PCM1: variants seen among roughly 807,000 people sequenced by gnomAD.
PCM1 encodes the protein pericentriolar material 1.
PCM1 carries 157 observed loss-of-function variants against 241.9 expected under a neutral mutation model. The observed-to-expected ratio is 0.65, with a 90% CI of 0.57 to 0.74. The LOEUF (loss-of-function observed/expected upper bound fraction) is 0.74. PCM1 is among the 30% of genes least tolerant of loss of function. PCM1 has a pLI of 0.00. For synonymous variants in PCM1, 1,085 were observed against 784.9 expected (o/e 1.38, Z -6.39); for missense variants, 3,478 against 2,360.1 (o/e 1.47, Z -9.81).
chr8:17,932,268 A>T (rs1225649244), intron 2 of PCM1, among the ~76,000 whole-genome samples: 4 of 152,050 alleles, frequency 2.6e-5, no homozygotes, highest in African/African-American at 4.8e-5. Context: ...TTTCCACCAT[A>T]TTTAAGGTTG....
At position 18,027,833 on chromosome 8, in the gene PCM1, C is replaced by T; in HGVS notation, c.*171C>T. 2.3e-6 allele frequency: 1 copy of T among 427,926 alleles called. No individual in the cohort carries two copies. 26.5% of individuals were successfully genotyped at this position (427,926 alleles called of 1,614,324 possible). ...AGTTTAAAACATCAGAAACTGAATT[C>T]TGGACAGATTTAAGCCTTGACACAC... On this transcript the variant is annotated 3_prime_UTR_variant, in exon 39 of 39. Transcript: ENST00000325083.
rs1392716529 is a variant in PCM1 at position 18,014,530 on chromosome 8, A to T, written c.5585-54A>T. The T allele has an allele frequency of 6.9e-6, 10 of 1,444,610 alleles. No homozygotes were observed. In the East Asian group the frequency reaches 1.6e-4, roughly 23 times the overall value. The allele number at this position is 1,444,610 out of a possible 1,614,324, so 89.5% of individuals were successfully genotyped here. A position where few individuals can be genotyped will look rare whatever the true frequency, so the allele number is the denominator to read the frequency against. On this transcript the variant is annotated intron_variant, in intron 35 of 38. Coordinates refer to ENST00000325083, the MANE Select transcript of PCM1 (RefSeq NM_006197.4). Reference sequence around the variant, plus strand: ...GTATTGTCTTTATTAGTATAATAGTAAAATTTAACATTTTTTGCATTACAC... The same window carrying T: ...GTATTGTCTTTATTAGTATAATAGTTAAATTTAACATTTTTTGCATTACAC...
intron 6 of PCM1, among the ~76,000 whole-genome samples, chr8:17,941,421 G>T (rs1051736181): frequency 6.6e-6 from 1 of 152,014 alleles, no homozygotes; most frequent in African/African-American, 2.4e-5. Flanking sequence ...TGGTAATTCC[G>T]CAGGATGTGG....
chr8:17,950,855 TC>T (rs898300460), intron 8 of PCM1, 131 bp downstream of exon 8: 33 of 636,338 alleles, frequency 5.2e-5, no homozygotes, highest in Non-Finnish European at 5.5e-5. Context: ...ATTGGTGGGG[TC>T]CCCCCCACCT....
At chr8:17,978,360 C>T (rs1018228106) in intron 23 of PCM1, among the ~76,000 whole-genome samples, 6 of 152,046 alleles carry the variant, frequency 3.9e-5, no homozygotes, top group Non-Finnish European at 7.4e-5. Flanking sequence ...CAGATCAGAA[C>T]AGCTGGCTGT....
At chr8:17,965,694 T>G (rs990117007) in intron 18 of PCM1, among the ~76,000 whole-genome samples, 1 of 152,244 alleles carries the variant, frequency 6.6e-6, no homozygotes, top group African/African-American at 2.4e-5. Context: ...GTGGTTGAAC[T>G]TAAAGCGTGA....
At chr8:17,963,992 G>A (rs780342878) in intron 17 of PCM1, among the ~76,000 whole-genome samples, 2 of 151,980 alleles carry the variant, frequency 1.3e-5, no homozygotes, top group African/African-American at 2.4e-5. Context: ...TCTGTTCTGG[G>A]TACTACACGT....
At chr8:17,938,676 G>T in intron 4 of PCM1, 64 bp from the exon 5 acceptor site, 1 of 1,244,896 alleles carries the variant, frequency 8.0e-7, no homozygotes, top group Non-Finnish European at 1.2e-6. Flanking sequence ...AGAACATTGG[G>T]GTTAAAACAA....
intron 34 of PCM1, among the ~76,000 whole-genome samples, chr8:18,013,577 C>A (rs745460601): frequency 6.6e-6 from 1 of 152,190 alleles, no homozygotes; most frequent in Non-Finnish European, 1.5e-5. Context: ...CTGTTACTTA[C>A]AGTTATGAGG....
chr8:17,976,047 G>A (rs1333242133), intron 23 of PCM1, among the ~76,000 whole-genome samples: 1 of 152,114 alleles, frequency 6.6e-6, no homozygotes, highest in Non-Finnish European at 1.5e-5. Context: ...ACAGCCTTCT[G>A]GGTTCTTACT....
chr8:17,955,833 A>G, intron 10 of PCM1, 180 bp downstream of exon 10: 2 of 602,514 alleles, frequency 3.3e-6, no homozygotes. Flanking sequence ...TGTCTAAGAG[A>G]TGTGATGTAA....
At chr8:18,001,347 C>T (rs2089355078) in intron 29 of PCM1, among the ~76,000 whole-genome samples, 1 of 152,048 alleles carries the variant, frequency 6.6e-6, no homozygotes, top group Admixed American at 6.6e-5. Flanking sequence ...TCTCTAGAAA[C>T]AATTTTTAGA....
chr8:18,029,421 T>C lies in PCM1; in HGVS notation c.*1759T>C. 1 of 217,928 alleles carries C rather than the reference T, an allele frequency of 4.6e-6. No individual in the cohort carries two copies. Among genetic ancestry groups the C allele is most frequent in the Non-Finnish European group, 9.2e-6 (1 of 108,372 alleles). 13.5% of individuals were successfully genotyped at this position (217,928 alleles called of 1,614,324 possible). ...GTTACATGCACACTCAAATTCTTTA[T>C]TTTCTCCACTTTAAGCAGGAAAGGG... On this transcript the variant is annotated 3_prime_UTR_variant, in exon 39 of 39. Coordinates refer to ENST00000325083, the MANE Select transcript of PCM1 (RefSeq NM_006197.4).
intron 22 of PCM1, 140 bp downstream of exon 22, chr8:17,969,888 G>A (rs548405919): frequency 2.2e-5 from 14 of 647,920 alleles, no homozygotes; most frequent in South Asian, 4.2e-5. Context: ...AAACTTTGAC[G>A]TATCAGTAGA....
intron 36 of PCM1, chr8:18,015,852 AG>A (rs1233613236): frequency 6.6e-6 from 1 of 152,188 alleles, no homozygotes; most frequent in East Asian, 1.9e-4. Flanking sequence ...CTCGGATTTC[AG>A]GCTCCACAGT....
intron 9 of PCM1, among the ~76,000 whole-genome samples, chr8:17,954,687 G>C (rs1200056450): frequency 1.3e-5 from 2 of 152,158 alleles, no homozygotes; most frequent in Admixed American, 1.3e-4. Context: ...GTTCCTTTGA[G>C]AAAGATACTG....
chr8:17,957,303 T>A lies in PCM1; in HGVS notation c.1686T>A (p.Ser562Arg). The change falls in exon 12 of 39, where the codon AGT becomes AGA. Residue 562 changes from serine to arginine, a missense_variant. Ser to Arg is a moderately radical substitution (Grantham distance 110, BLOSUM62 -1). Transcript: ENST00000325083. Reference sequence around the variant, plus strand: ...CTTCCACTTGGAATGAAGTAAATAGTCATAGTAATGCACAGTGTGTTTCTA... The same window carrying A: ...CTTCCACTTGGAATGAAGTAAATAGACATAGTAATGCACAGTGTGTTTCTA... ...QVASTWNEVN[S>R]HSNAQCVSNN... 6.2e-7 allele frequency: 1 copy of A among 1,610,090 alleles called. No individual in the cohort carries two copies. Among genetic ancestry groups the A allele is most frequent in the East Asian group, 2.2e-5 (1 of 44,806 alleles).
Position 17,962,155 on chromosome 8 carries a change from C to T in PCM1, c.2444C>T (p.Ser815Phe). 3.1e-6 allele frequency: 5 copies of T among 1,606,568 alleles called. No individual in the cohort carries two copies. The African/African-American group carries it at 4.0e-5, about 13-fold the overall frequency. The stretch of plus-strand genomic sequence containing the variant: ...AAATCTGTTTTTGAGCCTGAAGATT[C>T]TTCAATAGTAGATAATGAGGTATTG... Reference protein sequence around the residue: ...TSKSVFEPEDSSIVDNELWSE... With the variant: ...TSKSVFEPEDFSIVDNELWSE... Residue 815 changes from serine to phenylalanine, a missense_variant, in exon 16 of 39, where the codon TCT (serine) becomes TTT (phenylalanine). Coordinates refer to ENST00000325083, the MANE Select transcript of PCM1 (RefSeq NM_006197.4).
chr8:17,999,465 G>A (rs1201939070), intron 29 of PCM1, among the ~76,000 whole-genome samples: 1 of 152,078 alleles, frequency 6.6e-6, no homozygotes, highest in Non-Finnish European at 1.5e-5. Flanking sequence ...TCTTGGAGCT[G>A]GGGCCTGGAA....
Sources: allele counts gnomAD v4.1 joint callset (sites outside exome capture counted in the v4.1 genomes callset), GRCh38; gene constraint gnomAD v4.1.1; transcripts MANE v1.5; gene names NCBI Gene and HGNC (gene_info 2026-07-23, HGNC 2026-07-21).